The following GNAQ variants were observed in gnomAD, a reference collection of about 807,000 sequenced individuals.
The protein encoded by GNAQ is G protein subunit alpha q, also known as guanine nucleotide-binding protein G(q) subunit alpha.
In GNAQ, 8 loss-of-function variants were observed where a neutral mutation model predicts 43.9. The ratio of observed to expected loss-of-function variants is 0.18; its 90% CI spans 0.11 to 0.33. GNAQ has a LOEUF of 0.33. GNAQ is among the 10% of genes least tolerant of loss of function. The pLI is 1.00. For synonymous variants in GNAQ, 155 were observed against 170.7 expected, an observed-to-expected ratio of 0.91 and a Z score of 0.71; for missense variants, 158 against 450.8, an observed-to-expected ratio of 0.35 and a Z score of 5.88.
chr9:77,937,863 G>T (rs541592681), intron 1 of GNAQ, among the ~76,000 whole-genome samples: 1 of 152,328 alleles, frequency 6.6e-6, no homozygotes, highest in Non-Finnish European at 1.5e-5. Flanking sequence ...TTGCACTCCA[G>T]TCTGGGCAAC....
chr9:77,980,812 T>C (rs1374177187), intron 1 of GNAQ, among the ~76,000 whole-genome samples: 3 of 152,222 alleles, frequency 2.0e-5, no homozygotes, highest in East Asian at 1.9e-4. Context: ...TTGATACATA[T>C]GTAAGAATCA....
At chr9:77,982,306 A>C (rs1419328977) in intron 1 of GNAQ, among the ~76,000 whole-genome samples, 2 of 152,240 alleles carry the variant, frequency 1.3e-5, no homozygotes, top group African/African-American at 4.8e-5. Context: ...AGTTCAAAAC[A>C]AATTAGAGAA....
intron 1 of GNAQ, among the ~76,000 whole-genome samples, chr9:77,954,448 T>A (rs560547679): frequency 2.6e-5 from 4 of 152,148 alleles, no homozygotes; most frequent in Non-Finnish European, 5.9e-5. Flanking sequence ...ATTTTTAGAT[T>A]TGTGTTTCAG....
intron 1 of GNAQ, among the ~76,000 whole-genome samples, chr9:77,984,231 A>G (rs776082703): frequency 8.7e-5 from 13 of 149,512 alleles, no homozygotes; most frequent in Non-Finnish European, 1.8e-4. Context: ...GTGCAGTGGC[A>G]TGATCTCGGC....
intron 2 of GNAQ, among the ~76,000 whole-genome samples, chr9:77,898,004 T>A (rs1292701323): frequency 3.3e-5 from 5 of 149,978 alleles, no homozygotes; most frequent in Non-Finnish European, 3.0e-5. Context: ...AAGTGAATTG[T>A]AAGAAGGGCC....
intron 2 of GNAQ, among the ~76,000 whole-genome samples, chr9:77,891,555 G>A (rs1059033): frequency 0.57 from 87,161 of 152,068 alleles, 26,989 homozygotes; most frequent in South Asian, 0.7. Context: ...TTATATGAAT[G>A]TATTATACGA....
At chr9:77,995,261 C>A (rs1317503160) in intron 1 of GNAQ, among the ~76,000 whole-genome samples, 2 of 152,164 alleles carry the variant, frequency 1.3e-5, no homozygotes, top group African/African-American at 4.8e-5. Context: ...AAATGGCAAA[C>A]TCACATTCAA....
intron 2 of GNAQ, among the ~76,000 whole-genome samples, chr9:77,879,757 G>A (rs924671143): frequency 2.6e-5 from 4 of 152,110 alleles, no homozygotes; most frequent in African/African-American, 7.2e-5. Context: ...GATATGATAC[G>A]GTGAGATTCA....
intron 1 of GNAQ, among the ~76,000 whole-genome samples, chr9:77,969,720 G>A (rs187734941): frequency 3.9e-4 from 60 of 152,292 alleles, no homozygotes; most frequent in Non-Finnish European, 7.3e-4. Context: ...GATTTTCCAG[G>A]AAATTGGGGG....
chr9:77,762,334 C>T (rs1221780844), intron 5 of GNAQ, among the ~76,000 whole-genome samples: 1 of 145,968 alleles, frequency 6.9e-6, no homozygotes, highest in African/African-American at 2.6e-5. Context: ...GCCGCCCCAC[C>T]TGGGAGGTGA....
intron 5 of GNAQ, among the ~76,000 whole-genome samples, chr9:77,766,544 T>C (rs1826139747): frequency 6.6e-6 from 1 of 152,178 alleles, no homozygotes; most frequent in African/African-American, 2.4e-5. Context: ...TGATTTTCTT[T>C]GAGTTTGATC....
chr9:77,964,494 T>C (rs1265752756), intron 1 of GNAQ, among the ~76,000 whole-genome samples: 1 of 152,162 alleles, frequency 6.6e-6, no homozygotes, highest in African/African-American at 2.4e-5. Context: ...AAACATTATT[T>C]TCAAGTGCAC....
At chr9:77,847,185 T>A (rs1395414907) in intron 2 of GNAQ, among the ~76,000 whole-genome samples, 2 of 152,126 alleles carry the variant, frequency 1.3e-5, no homozygotes, top group Non-Finnish European at 2.9e-5. Context: ...TCTAGAAACA[T>A]CTCTCGCTCA....
chr9:77,935,635 A>G (rs190307582), intron 1 of GNAQ, among the ~76,000 whole-genome samples: 6 of 152,342 alleles, frequency 3.9e-5, no homozygotes, highest in Admixed American at 3.9e-4. Context: ...GCTGTCCAAA[A>G]GACAGGCGCA....
intron 1 of GNAQ, among the ~76,000 whole-genome samples, chr9:77,936,932 AGAG>A (rs1483696580): frequency 6.6e-6 from 1 of 152,222 alleles, no homozygotes; most frequent in Non-Finnish European, 1.5e-5. Flanking sequence ...TTGAGAATAT[AGAG>A]GTGGGAAAAT....
chr9:77,770,841 C>T (rs1365614985), intron 5 of GNAQ, among the ~76,000 whole-genome samples: 1 of 151,786 alleles, frequency 6.6e-6, no homozygotes, highest in Admixed American at 6.6e-5. Context: ...GAGCACCAGG[C>T]GATTTGGAAA....
At chr9:77,812,530 T>C (rs73653007) in intron 3 of GNAQ, among the ~76,000 whole-genome samples, 7 of 152,264 alleles carry the variant, frequency 4.6e-5, no homozygotes, top group African/African-American at 1.2e-4. Flanking sequence ...GCCAATCTCT[T>C]GAATGTGCCA....
At chr9:77,781,035 G>A (rs149808632) in intron 5 of GNAQ, among the ~76,000 whole-genome samples, 2 of 150,860 alleles carry the variant, frequency 1.3e-5, no homozygotes, top group African/African-American at 2.4e-5. Context: ...GGATGAATAC[G>A]GATATTTTCT....
At chr9:77,791,938 T>G (rs1826580803) in intron 5 of GNAQ, among the ~76,000 whole-genome samples, 1 of 152,150 alleles carries the variant, frequency 6.6e-6, no homozygotes, top group Non-Finnish European at 1.5e-5. Flanking sequence ...CCAAAAAATC[T>G]GGGGAAACTA....
Sources: allele counts gnomAD v4.1 joint callset (sites outside exome capture counted in the v4.1 genomes callset), GRCh38; gene constraint gnomAD v4.1.1; transcripts MANE v1.5; gene names NCBI Gene and HGNC (gene_info 2026-07-23, HGNC 2026-07-21).